Variants in DHRS11 observed in about 807,000 individuals in gnomAD.
DHRS11 encodes dehydrogenase/reductase 11, also known as dehydrogenase/reductase SDR family member 11.
Under a neutral mutation model 30.7 loss-of-function variants are expected in DHRS11, and 18 were observed. The observed-to-expected ratio is 0.59, with a 90% CI of 0.41 to 0.87. DHRS11 has a LOEUF of 0.87. Among genes scored for constraint, DHRS11 ranks in the 40% least tolerant of loss-of-function variants. The pLI is 0.00. For missense variants in DHRS11, 300 were observed against 349.0 expected (o/e 0.86, Z 1.12); for synonymous variants, 123 against 139.6 (o/e 0.88, Z 0.84).
At position 36,599,775 on chromosome 17, in the gene DHRS11, C is replaced by T; in HGVS notation, c.675+12C>T. On this transcript the variant is annotated intron_variant, in intron 5 of 6. Coordinates refer to ENST00000618403, the MANE Select transcript of DHRS11 (RefSeq NM_024308.4). ...ATGAGCAAATGAAGGTGGGGCCTCC[C>T]TCTGAGCCTGGTGAAGCCACTGACT... The T allele has an allele frequency of 6.2e-7, 1 of 1,614,080 alleles. No individual in the cohort carries two copies. Among genetic ancestry groups the T allele is most frequent in the Non-Finnish European group, 8.5e-7 (1 of 1,179,954 alleles).
chr17:36,599,554 G>A (rs1567843317), intron 4 of DHRS11, 117 bp from the exon 5 acceptor site: 8 of 1,024,544 alleles, frequency 7.8e-6, no homozygotes, highest in East Asian at 2.4e-5. Context: ...GGCCGCTGCC[G>A]GATATCAGGC....
At chr17:36,593,227 A>AG (rs1232088397) in intron 1 of DHRS11, among the ~76,000 whole-genome samples, 4 of 152,154 alleles carry the variant, frequency 2.6e-5, no homozygotes, top group East Asian at 1.9e-4. Context: ...CTAGCCAGGA[A>AG]GGGGGGGCCT....
At position 36,598,177 on chromosome 17, in the gene DHRS11, C is replaced by G; in HGVS notation, c.372C>G (p.Ala124=). The G allele has an allele frequency of 6.2e-7, 1 of 1,614,004 alleles. No homozygotes were observed. The highest frequency in any genetic ancestry group is 8.5e-7 in the Non-Finnish European group (1 of 1,179,978). ...CTGGCCTGCAGGTGAACGTGCTGGC[C>G]CTCAGCATCTGCACACGGGAAGCCT... ...WKDMFNVNVL[A]LSICTREAYQ... Residue 124 remains alanine, a synonymous_variant, in exon 3 of 7, where the codon GCC becomes GCG. Transcript: ENST00000618403.
At position 36,600,655 on chromosome 17, in the gene DHRS11, T is replaced by G; in HGVS notation, c.*452T>G. The G allele has an allele frequency of 9.2e-6, 2 of 218,162 alleles. No homozygotes were observed. The highest frequency in any genetic ancestry group is 1.8e-5 in the Non-Finnish European group (2 of 108,304). The allele number at this position is 218,162 out of a possible 1,614,324, so 13.5% of individuals were successfully genotyped here. A position where few individuals can be genotyped will look rare whatever the true frequency, so the allele number is the denominator to read the frequency against. ...CCCACTGCACCCTCTCCCCCTTATCTATCTCCTTCTCGGCTCCCCAGCCCA... is the reference window on the plus strand; with the variant it reads ...CCCACTGCACCCTCTCCCCCTTATCGATCTCCTTCTCGGCTCCCCAGCCCA... On this transcript the variant is annotated 3_prime_UTR_variant, in exon 7 of 7. Coordinates refer to ENST00000618403, the MANE Select transcript of DHRS11 (RefSeq NM_024308.4).
At chr17:36,598,720 G>A (rs1173502258) in intron 3 of DHRS11, 6 of 614,274 alleles carry the variant, frequency 9.8e-6, no homozygotes, top group Non-Finnish European at 1.7e-5. Flanking sequence ...TTAGGGATGA[G>A]TTCCAGGAAA....
At chr17:36,598,320 C>T in intron 3 of DHRS11, 63 bp downstream of exon 3, 1 of 1,500,690 alleles carries the variant, frequency 6.7e-7, no homozygotes, top group Non-Finnish European at 9.3e-7. Flanking sequence ...CTGCAGCTCA[C>T]CTGACCTCTT....
chr17:36,595,718 C>T (rs1006714540), intron 2 of DHRS11, among the ~76,000 whole-genome samples: 5 of 152,050 alleles, frequency 3.3e-5, no homozygotes, highest in African/African-American at 4.8e-5. Flanking sequence ...CCACCACGCC[C>T]GACCTGAAGG....
rs954000621 is a variant in DHRS11, at chr17:36,592,551, A to G, written c.147+395A>G. The stretch of plus-strand genomic sequence containing the variant: ...GCCAACCAGATGGGCAGGAGCCAGG[A>G]CTGAGGTTGGGGTTGGGGTGGGAGC... On this transcript the variant is annotated intron_variant, in intron 1 of 6. Transcript: ENST00000618403. This position sits in a 1 kb window ranked among gnomAD's most constrained non-coding sequence, Gnocchi z 4.4. 6.6e-6 allele frequency among the ~76,000 whole-genome samples: 1 copy of G among 152,208 alleles called. No homozygotes were observed. Among genetic ancestry groups the G allele is most frequent in the African/African-American group, 2.4e-5 (1 of 41,472 alleles).
chr17:36,592,165 G>A lies in DHRS11; in HGVS notation c.147+9G>A, dbSNP rs1363614009. The A allele has an allele frequency of 3.9e-6, 5 of 1,276,340 alleles. No homozygotes were observed. Among genetic ancestry groups the A allele is most frequent in the Non-Finnish European group, 4.0e-6 (4 of 1,011,516 alleles). 79.1% of individuals were successfully genotyped at this position (1,276,340 alleles called of 1,614,324 possible). On this transcript the variant is annotated intron_variant, in intron 1 of 6. Coordinates refer to ENST00000618403, the MANE Select transcript of DHRS11 (RefSeq NM_024308.4). The surrounding 1 kb of genome is among the most constrained non-coding windows in gnomAD (Gnocchi z 4.4). ...CTGTGGGCAACATCGAGGTGAGGCC[G>A]GGCCGAGGGCGGGGACGTCGCGGGC...
At chr17:36,599,225 T>C in intron 4 of DHRS11, 175 bp downstream of exon 4, 1 of 1,022,042 alleles carries the variant, frequency 9.8e-7, no homozygotes, top group East Asian at 2.8e-5. Flanking sequence ...CTTCATTTCC[T>C]CATTTCACTG....
intron 3 of DHRS11, chr17:36,598,493 T>C: frequency 1.7e-6 from 1 of 573,682 alleles, no homozygotes. Context: ...CTCCTGGGAC[T>C]AAGTGCCTCG....
Position 36,600,464 on chromosome 17 carries a change from T to A in DHRS11, c.*261T>A. The A allele has an allele frequency of 1.7e-6, 1 of 585,408 alleles. No homozygotes were observed. 36.3% of individuals were successfully genotyped at this position (585,408 alleles called of 1,614,324 possible). A position where few individuals can be genotyped will look rare whatever the true frequency, so the allele number is the denominator to read the frequency against. ...TCTTGTGCCCCTGGGCACTTGGCCT[T>A]TGTCTGCTCTCAGTGTCTTCCCTTT... On this transcript the variant is annotated 3_prime_UTR_variant, in exon 7 of 7. Transcript: ENST00000618403.
Position 36,592,126 on chromosome 17 carries a change from G to C in DHRS11, c.117G>C (p.Val39=). 4 of 1,278,554 alleles carry C rather than the reference G, an allele frequency of 3.1e-6. No individual in the cohort carries two copies. The highest frequency in any genetic ancestry group is 3.0e-6 in the Non-Finnish European group (3 of 1,011,934). 79.2% of individuals were successfully genotyped at this position (1,278,554 alleles called of 1,614,324 possible). A position where few individuals can be genotyped will look rare whatever the true frequency, so the allele number is the denominator to read the frequency against. The stretch of plus-strand genomic sequence containing the variant: ...TGGTCCAGCAGGGACTGAAGGTGGT[G>C]GGCTGCGCCCGCACTGTGGGCAACA... ...RALVQQGLKV[V]GCARTVGNIE... Residue 39 remains valine, a synonymous_variant, in exon 1 of 7, where the codon GTG becomes GTC. Coordinates refer to ENST00000618403, the MANE Select transcript of DHRS11 (RefSeq NM_024308.4). The surrounding 1 kb of genome is among the most constrained non-coding windows in gnomAD (Gnocchi z 4.4).
At chr17:36,596,698 G>T in intron 2 of DHRS11, 2 of 454,714 alleles carry the variant, frequency 4.4e-6, no homozygotes, top group Non-Finnish European at 9.2e-6. Context: ...CAACTTTCAG[G>T]ACATGGGTTT....
Position 36,600,084 on chromosome 17 carries a change from C to T in DHRS11, c.741+47C>T, listed in dbSNP as rs759209119. On this transcript the variant is annotated intron_variant, in intron 6 of 6. Transcript: ENST00000618403. ...TACTCACTGGAGGAACCCAACCAGC[C>T]CCAGAGGAGGGGAGCAGGGAGCCCT... 5.6e-6 allele frequency: 9 copies of T among 1,613,790 alleles called. No homozygotes were observed. The South Asian group carries it at 8.8e-5, about 16-fold the overall frequency.
At chr17:36,595,416 T>C (rs1195217869) in intron 2 of DHRS11, among the ~76,000 whole-genome samples, 6 of 129,462 alleles carry the variant, frequency 4.6e-5, no homozygotes, top group Non-Finnish European at 9.7e-5. Context: ...AGTTCTTTTT[T>C]TTTTTTTTTT....
intron 2 of DHRS11, among the ~76,000 whole-genome samples, chr17:36,595,566 C>G (rs780754169): frequency 6.6e-6 from 1 of 151,652 alleles, no homozygotes; most frequent in African/African-American, 2.4e-5. Flanking sequence ...ATTACAGGCA[C>G]CCATCATCAA....
In DHRS11 at chr17:36,591,995, G is replaced by C; in HGVS notation, c.-15G>C. 1 of 1,225,140 alleles carries C rather than the reference G, an allele frequency of 8.2e-7. No individual in the cohort carries two copies. The highest frequency in any genetic ancestry group is 1.0e-6 in the Non-Finnish European group (1 of 983,606). 75.9% of individuals were successfully genotyped at this position (1,225,140 alleles called of 1,614,324 possible). ...GTCGGGCTAGTCCAGCGAGGCGGAC[G>C]GGCGGCGTGGGCCCATGGCCAGGCC... On this transcript the variant is annotated 5_prime_UTR_variant, in exon 1 of 7. Transcript: ENST00000618403.
At position 36,599,965 on chromosome 17, in the gene DHRS11, C is replaced by A; in HGVS notation, c.676-7C>A. The A allele has an allele frequency of 6.2e-7, 1 of 1,613,568 alleles. No homozygotes were observed. The highest frequency in any genetic ancestry group is 1.3e-5 in the African/African-American group (1 of 75,010). ...CTTGTCTCAACCCATTCCCCTGGTGCTCTCAGTGTCTCAAACCCGAGGATG... is the reference window on the plus strand; with the variant it reads ...CTTGTCTCAACCCATTCCCCTGGTGATCTCAGTGTCTCAAACCCGAGGATG... On this transcript the variant is annotated splice_region_variant and splice_polypyrimidine_tract_variant and intron_variant, in intron 5 of 6. Coordinates refer to ENST00000618403, the MANE Select transcript of DHRS11 (RefSeq NM_024308.4).
Sources: gnomAD v4.1 joint callset for allele counts (sites outside exome capture counted in the v4.1 genomes callset) on GRCh38, gnomAD v4.1.1 for gene constraint, Gnocchi (gnomAD v3.1) non-coding constraint, MANE v1.5 for transcripts, NCBI Gene and HGNC (gene_info 2026-07-23, HGNC 2026-07-21) for gene names.